ADAM33: variants seen among roughly 807,000 people sequenced by gnomAD.
ADAM33 encodes disintegrin and metalloproteinase domain-containing protein 33.
A neutral mutation model predicts 106.2 loss-of-function variants in ADAM33; 103 were observed. The observed-to-expected ratio is 0.97, with a 90% CI of 0.83 to 1.14. The LOEUF is 1.14. Among genes scored for constraint, ADAM33 ranks in the 50% most tolerant of loss-of-function variants. The pLI, the probability that ADAM33 is intolerant of heterozygous loss-of-function variation, is 0.00. For missense variants in ADAM33, 1,120 were observed against 1,096.6 expected (o/e 1.02, Z -0.30); for synonymous variants, 483 against 453.0 (o/e 1.07, Z -0.84).
At chr20:3,680,617 G>GC (rs1358195008) in intron 1 of ADAM33, among the ~76,000 whole-genome samples, 2 of 152,158 alleles carry the variant, frequency 1.3e-5, no homozygotes, top group African/African-American at 2.4e-5. Context: ...AGGGGCCAGT[G>GC]CAGGGAGGGC....
Position 3,671,083 on chromosome 20 carries a change from G to A in ADAM33, c.2163C>T (p.Ala721=), listed in dbSNP as rs2087501449. 1.3e-6 allele frequency: 2 copies of A among 1,584,192 alleles called. No homozygotes were observed. Among genetic ancestry groups the A allele is most frequent in the Non-Finnish European group, 1.7e-6 (2 of 1,165,236 alleles). Residue 721 remains alanine, a synonymous_variant, in exon 19 of 22, where the codon GCC becomes GCT. Coordinates refer to ENST00000356518, the MANE Select transcript of ADAM33 (RefSeq NM_025220.5). ...CTCCTGGGAGTCGGTAGCAACACCAGGCCAGGCCGGCCCCTGGGAGCAGAG... is the reference window on the plus strand; with the variant it reads ...CTCCTGGGAGTCGGTAGCAACACCAAGCCAGGCCGGCCCCTGGGAGCAGAG... ...LLPLLPGAGL[A]WCCYRLPGAH... is the part of the protein sequence containing the mutation.
intron 19 of ADAM33, 94 bp from the exon 20 acceptor site, chr20:3,669,731 G>A: frequency 8.5e-7 from 1 of 1,177,416 alleles, no homozygotes; most frequent in Non-Finnish European, 1.2e-6. Context: ...AGGGAGTTCT[G>A]CGTTTACTGA....
intron 3 of ADAM33, among the ~76,000 whole-genome samples, chr20:3,676,577 T>C (rs1338158212): frequency 1.3e-5 from 2 of 152,010 alleles, no homozygotes; most frequent in African/African-American, 2.4e-5. Flanking sequence ...TAGCTGGGAT[T>C]ACAGGCGCCG....
intron 2 of ADAM33, among the ~76,000 whole-genome samples, chr20:3,679,096 C>T (rs2088222440): frequency 6.8e-6 from 1 of 146,656 alleles, no homozygotes; most frequent in Non-Finnish European, 1.5e-5. Context: ...CACAGGGTCA[C>T]ATGTTCTGGT....
chr20:3,677,723 C>T (rs577725432), intron 2 of ADAM33, among the ~76,000 whole-genome samples: 99 of 152,342 alleles, frequency 6.5e-4, no homozygotes, highest in African/African-American at 2.4e-3. Context: ...TTCACTGGAC[C>T]CACGAAGTAA....
chr20:3,676,792 C>A (rs2088003201), intron 3 of ADAM33, among the ~76,000 whole-genome samples: 1 of 152,186 alleles, frequency 6.6e-6, no homozygotes, highest in Admixed American at 6.5e-5. Flanking sequence ...GCATATCTTG[C>A]AAATGTCCAC....
chr20:3,674,743 C>G (rs1263598864), intron 5 of ADAM33, 30 bp downstream of exon 5: 1 of 1,595,244 alleles, frequency 6.3e-7, no homozygotes, highest in South Asian at 1.1e-5. Flanking sequence ...TTTCCCCATC[C>G]CAGGCCCAGC....
intron 2 of ADAM33, among the ~76,000 whole-genome samples, chr20:3,678,476 A>G (rs2088168450): frequency 1.3e-5 from 2 of 152,180 alleles, no homozygotes; most frequent in South Asian, 2.1e-4. Flanking sequence ...GGGGAGGGCA[A>G]TCTCAAAGCT....
intron 2 of ADAM33, among the ~76,000 whole-genome samples, chr20:3,678,147 A>G (rs1310058102): frequency 6.6e-6 from 1 of 152,198 alleles, no homozygotes; most frequent in Admixed American, 6.5e-5. Context: ...AAAGGTCTGC[A>G]CCGGGAAAAA....
At position 3,673,345 on chromosome 20, in the gene ADAM33, C is replaced by T; in HGVS notation, c.1133+9G>A. ...GCCCCGCCGCAGCCCCGACCCCCCA[C>T]CCGCGTACCCGGTGGCCGCAGCCAT... On this transcript the variant is annotated intron_variant, in intron 11 of 21. Transcript: ENST00000356518. 6.5e-7 allele frequency: 1 copy of T among 1,537,780 alleles called. No homozygotes were observed. The highest frequency in any genetic ancestry group is 8.7e-7 in the Non-Finnish European group (1 of 1,148,088).
At chr20:3,672,930 G>A (rs1355578519) in intron 11 of ADAM33, 32 bp from the exon 12 acceptor site, 14 of 1,517,116 alleles carry the variant, frequency 9.2e-6, no homozygotes, top group Non-Finnish European at 1.1e-5. Context: ...TGGGCATGGA[G>A]GGACAGTCCC....
chr20:3,677,283 A>C, intron 2 of ADAM33, 140 bp from the exon 3 acceptor site: 1 of 627,126 alleles, frequency 1.6e-6, no homozygotes, highest in Non-Finnish European at 2.6e-6. Flanking sequence ...CCCCCCACAT[A>C]CTATGGAGGG....
intron 3 of ADAM33, among the ~76,000 whole-genome samples, chr20:3,676,450 T>G (rs2087967289): frequency 6.6e-6 from 1 of 152,012 alleles, no homozygotes; most frequent in South Asian, 2.1e-4. Context: ...TTTTTCTCTT[T>G]TTTTGAGACG....
intron 1 of ADAM33, among the ~76,000 whole-genome samples, chr20:3,681,103 G>A (rs1257535724): frequency 2.6e-5 from 4 of 152,106 alleles, no homozygotes; most frequent in African/African-American, 4.8e-5. Context: ...GGAAGCCACC[G>A]CCCAGTCTGC....
chr20:3,681,954 TAGC>T lies in ADAM33; in HGVS notation c.48_50del (p.Leu22del), dbSNP rs1568828683. Reference sequence around the variant, plus strand: ...GCACTGGCCAGAGCAGCAGCAGTAGTAGCAGCAGCAGCAACGGGGTCCCCCGAG... The same window carrying T: ...GCACTGGCCAGAGCAGCAGCAGTAGTAGCAGCAGCAACGGGGTCCCCCGAG... On this transcript the variant is annotated inframe_deletion, in exon 1 of 22. Transcript: ENST00000356518. 2 of 1,565,106 alleles carry T rather than the reference TAGC, an allele frequency of 1.3e-6. No homozygotes were observed. Among genetic ancestry groups the T allele is most frequent in the Non-Finnish European group, 8.6e-7 (1 of 1,156,660 alleles).
At position 3,674,744 on chromosome 20, in the gene ADAM33, C is replaced by T. The variant is rs2087825476; in HGVS notation, c.410+29G>A. The stretch of plus-strand genomic sequence containing the variant: ...GTGTGAGGGAGCTCTTTCCCCATCC[C>T]AGGCCCAGCCTCCTCTCCCAGAGCT... On this transcript the variant is annotated intron_variant, in intron 5 of 21. Transcript: ENST00000356518. 1.3e-6 allele frequency: 2 copies of T among 1,595,534 alleles called. 1 individual carries two copies. Among genetic ancestry groups the T allele is most frequent in the South Asian group, 2.3e-5 (2 of 88,202 alleles).
chr20:3,676,762 C>T (rs1025118416), intron 3 of ADAM33, among the ~76,000 whole-genome samples: 7 of 152,138 alleles, frequency 4.6e-5, no homozygotes, highest in Non-Finnish European at 7.4e-5. Context: ...TCTTTTCCCT[C>T]TAGGATTTCT....
rs752258854 is a variant in ADAM33, at chr20:3,679,584, C to A, written c.98-13G>T. On this transcript the variant is annotated splice_polypyrimidine_tract_variant and intron_variant, in intron 1 of 21. Coordinates refer to ENST00000356518, the MANE Select transcript of ADAM33 (RefSeq NM_025220.5). ...CCAGGGATATGTCCTGGAGTAAAGACAGAGCACAGGGTGAGGGGGACCTGA... is the reference window on the plus strand; with the variant it reads ...CCAGGGATATGTCCTGGAGTAAAGAAAGAGCACAGGGTGAGGGGGACCTGA... 1 of 1,601,502 alleles carries A rather than the reference C, an allele frequency of 6.2e-7. No homozygotes were observed. The highest frequency in any genetic ancestry group is 2.2e-5 in the East Asian group (1 of 44,464).
rs747583666 is a variant in ADAM33 at position 3,672,146 on chromosome 20, G to A, written c.1585C>T (p.Leu529Phe). The change falls in exon 14 of 22, where the codon CTC becomes TTC. Residue 529 changes from leucine to phenylalanine, a missense_variant. Transcript: ENST00000356518. ...CPTLEQQCQQ[L>F]WGPGSHPAPE... ...CGTGTCCTCTCACCAGGCCCCCAGA[G>A]CTGCTGGCACTGCTGCTCCAGCGTG... is the stretch of plus-strand genomic sequence containing the variant. The A allele has an allele frequency of 1.2e-6, 2 of 1,611,472 alleles. No individual in the cohort carries two copies. Among genetic ancestry groups the A allele is most frequent in the Non-Finnish European group, 1.7e-6 (2 of 1,178,980 alleles).
Sources: gnomAD v4.1 joint callset for allele counts (sites outside exome capture counted in the v4.1 genomes callset) on GRCh38, gnomAD v4.1.1 for gene constraint, MANE v1.5 for transcripts, NCBI Gene and HGNC (gene_info 2026-07-23, HGNC 2026-07-21) for gene names.